The following B3GALT1 variants were observed in gnomAD, a reference collection of about 807,000 sequenced individuals.
B3GALT1 encodes beta-1,3-galactosyltransferase 1.
A neutral mutation model predicts 23.2 loss-of-function variants in B3GALT1; 10 were observed. The ratio of observed to expected loss-of-function variants is 0.43; its 90% CI spans 0.27 to 0.73. B3GALT1 has a LOEUF of 0.73. Ranked by LOEUF, B3GALT1 falls within the 30% of genes least tolerant of loss-of-function variation. B3GALT1 has a pLI of 0.21. For missense variants in B3GALT1, 299 were observed against 405.4 expected, an observed-to-expected ratio of 0.74 and a Z score of 2.25; for synonymous variants, 156 against 141.5, an observed-to-expected ratio of 1.10 and a Z score of -0.73.
intron 2 of B3GALT1, among the ~76,000 whole-genome samples, chr2:167,580,786 ACTGG>A (rs1432366006): frequency 6.6e-6 from 1 of 152,142 alleles, no homozygotes; most frequent in Non-Finnish European, 1.5e-5. Context: ...AGGATACACT[ACTGG>A]TCTCCAGTGA....
rs1690352249 is a variant in B3GALT1, at chr2:167,871,765, A to G, written c.*1745A>G. On this transcript the variant is annotated 3_prime_UTR_variant, in exon 5 of 5. Transcript: ENST00000392690. Reference sequence around the variant, plus strand: ...CAGGTAAAGCTAGTTCACCTCTTTCAGAAGCAGCAGAATAGGCAGTCAGCA... The same window carrying G: ...CAGGTAAAGCTAGTTCACCTCTTTCGGAAGCAGCAGAATAGGCAGTCAGCA... 6.6e-6 allele frequency: 1 copy of G among 152,222 alleles called. No individual in the cohort carries two copies. Among genetic ancestry groups the G allele is most frequent in the African/African-American group, 2.4e-5 (1 of 41,454 alleles). The allele number at this position is 152,222 out of a possible 1,614,324, so 9.4% of individuals were successfully genotyped here.
chr2:167,512,579 T>TACGTATATATATAC (rs199518665), intron 2 of B3GALT1, among the ~76,000 whole-genome samples: 11 of 99,842 alleles, frequency 1.1e-4, no homozygotes, highest in African/African-American at 4.1e-4. Flanking sequence ...TATATATATA[T>TACGTATATATATAC]GTATATATAT....
In B3GALT1 at chr2:167,870,077, T is replaced by G. The variant is rs1157122346; in HGVS notation, c.*57T>G. The G allele has an allele frequency of 6.7e-7, 1 of 1,483,064 alleles. No homozygotes were observed. The highest frequency in any genetic ancestry group is 2.2e-5 in the Admixed American group (1 of 45,254). 91.9% of individuals were successfully genotyped at this position (1,483,064 alleles called of 1,614,324 possible). On this transcript the variant is annotated 3_prime_UTR_variant, in exon 5 of 5. Transcript: ENST00000392690. Reference sequence around the variant, plus strand: ...TTTTTTTAAGAAATGGGACCTAAGGTGTTGGTATTTTCCAGGTGTCGGGGG... The same window carrying G: ...TTTTTTTAAGAAATGGGACCTAAGGGGTTGGTATTTTCCAGGTGTCGGGGG...
chr2:167,601,111 G>C lies in B3GALT1; in HGVS notation c.-409-45798G>C, dbSNP rs187409612. Among the ~76,000 whole-genome samples the C allele has an allele frequency of 2.7e-3, 407 of 152,294 alleles. 6 individuals are homozygous for C. Among genetic ancestry groups the C allele is most frequent in the Non-Finnish European group, 4.7e-4 (32 of 68,032 alleles). On this transcript the variant is annotated intron_variant, in intron 2 of 4. Transcript: ENST00000392690. ...AGTCTAGCTCTGTTGCCAGACTGGA[G>C]TGCAGTGGTGCAATCTCTGCTCACT...
chr2:167,713,132 A>G (rs1687088219), intron 3 of B3GALT1, among the ~76,000 whole-genome samples: 1 of 152,228 alleles, frequency 6.6e-6, no homozygotes, highest in Non-Finnish European at 1.5e-5. Context: ...ACTACTAATG[A>G]AACATAGATC....
At chr2:167,616,244 T>C (rs1481564656) in intron 2 of B3GALT1, among the ~76,000 whole-genome samples, 2 of 152,108 alleles carry the variant, frequency 1.3e-5, no homozygotes, top group South Asian at 2.1e-4. Flanking sequence ...TAATAGGAAC[T>C]CTTATGTTGA....
At chr2:167,495,312 G>A (rs73024024) in intron 2 of B3GALT1, among the ~76,000 whole-genome samples, 1,467 of 145,580 alleles carry the variant, frequency 0.01, 27 homozygotes, top group African/African-American at 0.035. Context: ...TGCTTTTTTC[G>A]CCAGCTTGCT....
At chr2:167,715,865 C>G in intron 3 of B3GALT1, 1 of 1,613,882 alleles carries the variant, frequency 6.2e-7, no homozygotes, top group Non-Finnish European at 8.5e-7. Flanking sequence ...AAAGCCGACT[C>G]CTAACCGATC....
At chr2:167,780,435 G>A (rs1032886841) in intron 3 of B3GALT1, among the ~76,000 whole-genome samples, 16 of 152,194 alleles carry the variant, frequency 1.1e-4, no homozygotes, top group African/African-American at 3.6e-4. Context: ...ACAAAGAGAA[G>A]ACAGCTATTA....
At chr2:167,772,359 C>T (rs1256223523) in intron 3 of B3GALT1, among the ~76,000 whole-genome samples, 1 of 152,144 alleles carries the variant, frequency 6.6e-6, no homozygotes, top group African/African-American at 2.4e-5. Flanking sequence ...TAATTTAGTT[C>T]TCATAACAAC....
intron 1 of B3GALT1, among the ~76,000 whole-genome samples, chr2:167,368,781 G>A (rs1050451103): frequency 6.6e-6 from 1 of 152,076 alleles, no homozygotes; most frequent in African/African-American, 2.4e-5. Flanking sequence ...TCTAACTATT[G>A]ATAGGCTGCT....
intron 1 of B3GALT1, among the ~76,000 whole-genome samples, chr2:167,424,573 GTGTT>G (rs1265356540): frequency 2.0e-5 from 3 of 152,054 alleles, no homozygotes; most frequent in Non-Finnish European, 2.9e-5. Context: ...TTGTGTGTGT[GTGTT>G]TGTGTTTGTG....
intron 3 of B3GALT1, among the ~76,000 whole-genome samples, chr2:167,805,808 C>T (rs1470288170): frequency 1.3e-5 from 2 of 152,152 alleles, no homozygotes; most frequent in Non-Finnish European, 1.5e-5. Context: ...CTTGGCAATG[C>T]AGGCTCTTTT....
chr2:167,532,717 T>C (rs753604927), intron 2 of B3GALT1, among the ~76,000 whole-genome samples: 143 of 152,202 alleles, frequency 9.4e-4, no homozygotes, highest in Non-Finnish European at 1.7e-3. Flanking sequence ...ATTTCATTTT[T>C]AGGTTTTTTT....
At chr2:167,381,184 C>G (rs996351941) in intron 1 of B3GALT1, among the ~76,000 whole-genome samples, 2 of 152,150 alleles carry the variant, frequency 1.3e-5, no homozygotes, top group Non-Finnish European at 2.9e-5. Flanking sequence ...CCTCCCACCT[C>G]AGCCTTCTGA....
chr2:167,714,968 G>A, intron 3 of B3GALT1: 1 of 1,611,566 alleles, frequency 6.2e-7, no homozygotes, highest in Admixed American at 1.7e-5. Flanking sequence ...TATGTTTTCT[G>A]ACTGCAAAGA....
chr2:167,481,106 G>T (rs1456160764), intron 1 of B3GALT1, among the ~76,000 whole-genome samples: 1 of 152,108 alleles, frequency 6.6e-6, no homozygotes, highest in African/African-American at 2.4e-5. Context: ...TGTCTGCACT[G>T]TTGACTTACA....
intron 2 of B3GALT1, among the ~76,000 whole-genome samples, chr2:167,559,430 C>T (rs1297790036): frequency 6.6e-6 from 1 of 152,218 alleles, no homozygotes; most frequent in African/African-American, 2.4e-5. Flanking sequence ...CAATTCCTCA[C>T]CAGCAACGAA....
intron 3 of B3GALT1, among the ~76,000 whole-genome samples, chr2:167,807,219 G>A (rs1360448419): frequency 1.3e-5 from 2 of 151,932 alleles, no homozygotes; most frequent in Non-Finnish European, 2.9e-5. Context: ...TTCTTAATTA[G>A]TCTTGCTAAC....
Sources: allele counts gnomAD v4.1 joint callset (sites outside exome capture counted in the v4.1 genomes callset), GRCh38; gene constraint gnomAD v4.1.1; transcripts MANE v1.5; gene names NCBI Gene and HGNC (gene_info 2026-07-23, HGNC 2026-07-21).